The following KLF12 variants were observed in gnomAD, a reference collection of about 807,000 sequenced individuals.
KLF12 encodes the protein KLF transcription factor 12.
In KLF12, 9 loss-of-function variants were observed where a neutral mutation model predicts 37.8. That is an observed-to-expected ratio of 0.24 (90% confidence interval 0.14 to 0.42). The LOEUF (loss-of-function observed/expected upper bound fraction) is 0.42. Among genes scored for constraint, KLF12 ranks in the 10% least tolerant of loss-of-function variants. KLF12 has a pLI of 1.00. For missense variants in KLF12, 411 were observed against 516.0 expected (o/e 0.80, Z 1.97); for synonymous variants, 208 against 202.1 (o/e 1.03, Z -0.25).
chr13:73,758,761 C>T (rs1879353963), intron 6 of KLF12, among the ~76,000 whole-genome samples: 1 of 151,988 alleles, frequency 6.6e-6, no homozygotes, highest in South Asian at 2.1e-4. Flanking sequence ...TAATTTTTTT[C>T]CCTTATATCA....
chr13:74,067,956 C>T (rs1490800447), intron 1 of KLF12, among the ~76,000 whole-genome samples: 1 of 152,202 alleles, frequency 6.6e-6, no homozygotes, highest in Admixed American at 6.5e-5. Flanking sequence ...ATCCTTTTAA[C>T]CAACTTCCGC....
intron 3 of KLF12, among the ~76,000 whole-genome samples, chr13:73,882,958 T>C (rs887939186): frequency 5.3e-5 from 8 of 152,218 alleles, no homozygotes; most frequent in African/African-American, 1.9e-4. Context: ...TCCTGTTCAT[T>C]GTATTGTTAT....
At chr13:73,862,484 A>T (rs568744027) in intron 3 of KLF12, among the ~76,000 whole-genome samples, 1 of 152,186 alleles carries the variant, frequency 6.6e-6, no homozygotes, top group African/African-American at 2.4e-5. Context: ...TTAATGCAAT[A>T]CTAACTCCCA....
chr13:74,246,630 C>G, the KLF12 span, among the ~76,000 whole-genome samples: 1 of 152,230 alleles, frequency 6.6e-6, no homozygotes, highest in African/African-American at 2.4e-5. Flanking sequence ...TCTCCTCCGA[C>G]ATGAACCCGT....
intron 5 of KLF12, among the ~76,000 whole-genome samples, chr13:73,803,699 G>A (rs1432273251): frequency 6.6e-6 from 1 of 151,664 alleles, no homozygotes; most frequent in Non-Finnish European, 1.5e-5. Flanking sequence ...GATGGATACA[G>A]TGCTAGCTCT....
In KLF12 at chr13:73,762,628, G is replaced by A. The variant is rs138692388; in HGVS notation, c.869+2310C>T. ...TTCTCAAATACAGTGTTTGCGGGTT[G>A]AACCCAAGCCAGAGCCAAGCTAGTG... On this transcript the variant is annotated intron_variant, in intron 6 of 7. Transcript: ENST00000377669. 3.2e-3 allele frequency among the ~76,000 whole-genome samples: 487 copies of A among 152,268 alleles called. 6 individuals carry two copies. The highest frequency in any genetic ancestry group is 0.011 in the African/African-American group (473 of 41,562).
intron 3 of KLF12, among the ~76,000 whole-genome samples, chr13:73,887,407 G>C (rs753419062): frequency 1.1e-4 from 17 of 152,148 alleles, no homozygotes; most frequent in Non-Finnish European, 2.4e-4. Context: ...ATGGTAACGA[G>C]TGTGTTCTTG....
At chr13:73,922,890 C>A (rs1889186466) in intron 3 of KLF12, among the ~76,000 whole-genome samples, 2 of 152,192 alleles carry the variant, frequency 1.3e-5, no homozygotes, top group Non-Finnish European at 1.5e-5. Context: ...TATTAACCCC[C>A]AGGCCTCCTC....
At chr13:73,859,774 T>C (rs1885817926) in intron 3 of KLF12, among the ~76,000 whole-genome samples, 1 of 151,878 alleles carries the variant, frequency 6.6e-6, no homozygotes, top group Non-Finnish European at 1.5e-5. Context: ...ATGGGATATG[T>C]GTTTGAAAGA....
At chr13:73,914,667 C>G (rs1888732315) in intron 3 of KLF12, among the ~76,000 whole-genome samples, 1 of 152,186 alleles carries the variant, frequency 6.6e-6, no homozygotes, top group Non-Finnish European at 1.5e-5. Flanking sequence ...ATGCAAGAGA[C>G]AGCACACGGG....
intron 6 of KLF12, among the ~76,000 whole-genome samples, chr13:73,739,237 T>TTAATAATAATAATAA (rs138002893): frequency 2.8e-5 from 4 of 143,602 alleles, no homozygotes; most frequent in African/African-American, 5.2e-5. Flanking sequence ...CTGTCTCAAA[T>TTAATAATAATAATAA]TAATAATAAT....
intron 1 of KLF12, among the ~76,000 whole-genome samples, chr13:74,114,339 GT>G (rs1389021462): frequency 3.3e-5 from 5 of 151,952 alleles, no homozygotes; most frequent in Admixed American, 6.6e-5. Flanking sequence ...AGGCATGTAG[GT>G]TTTTTTTCAT....
intron 3 of KLF12, among the ~76,000 whole-genome samples, chr13:73,895,994 T>A (rs1331513258): frequency 6.6e-6 from 1 of 152,072 alleles, no homozygotes; most frequent in Non-Finnish European, 1.5e-5. Flanking sequence ...CTAATTTTTG[T>A]ATTTTTTAGT....
At chr13:73,911,910 T>C (rs1035854872) in intron 3 of KLF12, among the ~76,000 whole-genome samples, 1 of 152,216 alleles carries the variant, frequency 6.6e-6, no homozygotes, top group Non-Finnish European at 1.5e-5. Flanking sequence ...TCAGCTCGTG[T>C]TTCTGTTCCT....
the KLF12 span, among the ~76,000 whole-genome samples, chr13:74,219,345 A>G: frequency 3.3e-5 from 5 of 152,214 alleles, no homozygotes; most frequent in African/African-American, 4.8e-5. Context: ...TACTTATTGT[A>G]ATTCTGAGAC....
chr13:74,285,453 A>G, the KLF12 span, among the ~76,000 whole-genome samples: 4 of 152,374 alleles, frequency 2.6e-5, no homozygotes, highest in Admixed American at 2.0e-4. Context: ...ATAATGGCCG[A>G]CTAAGCTCTT....
the KLF12 span, among the ~76,000 whole-genome samples, chr13:74,196,102 G>A: frequency 1.3e-5 from 2 of 152,144 alleles, no homozygotes; most frequent in South Asian, 2.1e-4. Flanking sequence ...AGTGCAAAAT[G>A]TTTCATTTTA....
the KLF12 span, among the ~76,000 whole-genome samples, chr13:74,269,312 A>G: frequency 6.6e-6 from 1 of 152,308 alleles, no homozygotes; most frequent in East Asian, 1.9e-4. Flanking sequence ...ATATAGTTAC[A>G]TATTTAACTA....
At chr13:74,047,728 G>A (rs1016091479) in intron 1 of KLF12, among the ~76,000 whole-genome samples, 2 of 152,144 alleles carry the variant, frequency 1.3e-5, no homozygotes, top group African/African-American at 4.8e-5. Flanking sequence ...AGTGAATAGA[G>A]AGAGTACTAA....
Sources: gnomAD v4.1 joint callset for allele counts (sites outside exome capture counted in the v4.1 genomes callset) on GRCh38, gnomAD v4.1.1 for gene constraint, MANE v1.5 for transcripts, NCBI Gene and HGNC (gene_info 2026-07-23, HGNC 2026-07-21) for gene names.